XPO6: variants seen among roughly 807,000 people sequenced by gnomAD.
XPO6 encodes exportin-6.
XPO6 carries 3 observed loss-of-function variants against 130.0 expected under a neutral mutation model. The ratio of observed to expected loss-of-function variants is 0.02; its 90% confidence interval spans 0.01 to 0.06. XPO6 has a LOEUF of 0.06. Among genes scored for constraint, XPO6 ranks in the 10% least tolerant of loss-of-function variants. XPO6 has a pLI of 1.00. For missense variants in XPO6, 970 were observed against 1,393.0 expected (o/e 0.70, Z 4.83); for synonymous variants, 524 against 548.9 (o/e 0.95, Z 0.63).
At chr16:28,113,145 G>A (rs1260352965) in intron 15 of XPO6, 95 bp from the exon 16 acceptor site, 2 of 1,465,896 alleles carry the variant, frequency 1.4e-6, no homozygotes, top group Non-Finnish European at 1.8e-6. Flanking sequence ...GTCATTCTTG[G>A]TTTCCAAATT....
intron 11 of XPO6, among the ~76,000 whole-genome samples, chr16:28,133,480 G>A (rs888596350): frequency 2.0e-5 from 3 of 152,194 alleles, no homozygotes; most frequent in Non-Finnish European, 2.9e-5. Flanking sequence ...GACACACGCA[G>A]AGAAAGCTAG....
At chr16:28,158,676 C>T (rs2043221497) in intron 6 of XPO6, among the ~76,000 whole-genome samples, 2 of 152,146 alleles carry the variant, frequency 1.3e-5, no homozygotes, top group Non-Finnish European at 2.9e-5. Flanking sequence ...GACCACGGGG[C>T]TACTCTGTGG....
At chr16:28,209,836 T>G (rs141853915) in intron 1 of XPO6, among the ~76,000 whole-genome samples, 11 of 152,122 alleles carry the variant, frequency 7.2e-5, no homozygotes, top group African/African-American at 2.2e-4. Context: ...GTGTAATATA[T>G]ATGTTAAAAT....
rs147707562 is a variant in XPO6 at position 28,154,006 on chromosome 16, G to C, written c.1098-1221C>G. ...ATACATATTAATTTGTTTTGATAAA[G>C]AGAATGGCTGTCTCTGTGGATCATG... On this transcript the variant is annotated intron_variant, in intron 7 of 23. Transcript: ENST00000304658. The C allele has an allele frequency of 2.7e-4, 266 of 985,240 alleles. 1 individual carries two copies. The East Asian group carries it at 0.011, about 42-fold the overall frequency. 61.0% of individuals were successfully genotyped at this position (985,240 alleles called of 1,614,324 possible). A position where few individuals can be genotyped will look rare whatever the true frequency, so the allele number is the denominator to read the frequency against.
In XPO6 at chr16:28,180,132, C is replaced by T. The variant is rs570335609; in HGVS notation, c.94+809G>A. Among the ~76,000 whole-genome samples, 13 of 152,144 alleles carry T rather than the reference C, an allele frequency of 8.5e-5. No individual in the cohort carries two copies. The South Asian group carries it at 2.3e-3, about 27-fold the overall frequency. On this transcript the variant is annotated intron_variant, in intron 2 of 23. Transcript: ENST00000304658. ...CTGTAATCCCAGCACTTTGGGAGGCCGAGGTGGGCAGATCTCTTGAGGTCA... is the reference window on the plus strand; with the variant it reads ...CTGTAATCCCAGCACTTTGGGAGGCTGAGGTGGGCAGATCTCTTGAGGTCA...
intron 4 of XPO6, 84 bp from the exon 5 acceptor site, chr16:28,169,993 T>C: frequency 6.6e-7 from 1 of 1,514,112 alleles, no homozygotes; most frequent in Non-Finnish European, 9.0e-7. Flanking sequence ...CTATGAAGCA[T>C]CTGTGTGTGT....
chr16:28,168,711 C>T (rs1165705251), intron 5 of XPO6, among the ~76,000 whole-genome samples: 1 of 151,450 alleles, frequency 6.6e-6, no homozygotes, highest in Non-Finnish European at 1.5e-5. Flanking sequence ...AAGCAATTCT[C>T]CTTCTTTAGC....
At chr16:28,208,201 T>C (rs1470081002) in intron 1 of XPO6, among the ~76,000 whole-genome samples, 3 of 152,160 alleles carry the variant, frequency 2.0e-5, no homozygotes, top group Non-Finnish European at 4.4e-5. Flanking sequence ...ACATCAAAGA[T>C]GCTTAATAAG....
chr16:28,160,778 T>C (rs1018008409), intron 6 of XPO6, among the ~76,000 whole-genome samples: 6 of 152,230 alleles, frequency 3.9e-5, no homozygotes, highest in African/African-American at 1.2e-4. Context: ...TTAGGAGCAT[T>C]ACTTCTATTG....
At chr16:28,155,275 G>A (rs1420736597) in intron 7 of XPO6, among the ~76,000 whole-genome samples, 1 of 152,010 alleles carries the variant, frequency 6.6e-6, no homozygotes, top group Admixed American at 6.6e-5. Context: ...AATTCGATAC[G>A]ATTTATTGCT....
Position 28,149,722 on chromosome 16 carries a change from C to T in XPO6, c.1224+2937G>A, listed in dbSNP as rs147795057. Among the ~76,000 whole-genome samples, 549 of 152,314 alleles carry T rather than the reference C, an allele frequency of 3.6e-3. 4 individuals are homozygous for T. Among genetic ancestry groups the T allele is most frequent in the African/African-American group, 0.012 (497 of 41,568 alleles). On this transcript the variant is annotated intron_variant, in intron 8 of 23. Coordinates refer to ENST00000304658, the MANE Select transcript of XPO6 (RefSeq NM_015171.4). ...GCGTAAGTGCACTCTATGATGTACA[C>T]ACAACGATGACATCACCTAACACAT...
At chr16:28,104,230 T>C (rs1567589757) in intron 21 of XPO6, among the ~76,000 whole-genome samples, 1 of 152,164 alleles carries the variant, frequency 6.6e-6, no homozygotes, top group East Asian at 1.9e-4. Context: ...TCGGTGACTC[T>C]GGCATAGGCA....
chr16:28,199,325 G>A (rs2043917530), intron 1 of XPO6, among the ~76,000 whole-genome samples: 1 of 152,028 alleles, frequency 6.6e-6, no homozygotes, highest in Admixed American at 6.5e-5. Flanking sequence ...ATAATTTCCT[G>A]GACAATAACA....
intron 1 of XPO6, among the ~76,000 whole-genome samples, chr16:28,188,200 T>C (rs1357675552): frequency 6.6e-6 from 1 of 152,204 alleles, no homozygotes; most frequent in Non-Finnish European, 1.5e-5. Flanking sequence ...CCTATGCCTC[T>C]CAAAGTTCTG....
intron 8 of XPO6, among the ~76,000 whole-genome samples, chr16:28,150,504 T>C (rs2043066639): frequency 6.6e-6 from 1 of 152,164 alleles, no homozygotes; most frequent in Admixed American, 6.5e-5. Context: ...TAAGTAAATT[T>C]AAGGTTTCTC....
At chr16:28,198,465 G>A (rs2043903539) in intron 1 of XPO6, among the ~76,000 whole-genome samples, 1 of 152,014 alleles carries the variant, frequency 6.6e-6, no homozygotes, top group African/African-American at 2.4e-5. Context: ...TACTTTAATT[G>A]TCTAGCAGTA....
intron 13 of XPO6, among the ~76,000 whole-genome samples, chr16:28,123,504 G>C (rs2087303782): frequency 6.6e-6 from 1 of 152,216 alleles, no homozygotes; most frequent in Non-Finnish European, 1.5e-5. Flanking sequence ...GGATGCCAGG[G>C]AAGGCAGTGT....
chr16:28,111,331 A>G (rs1010653487), intron 17 of XPO6: 4 of 152,344 alleles, frequency 2.6e-5, no homozygotes, highest in African/African-American at 9.6e-5. Context: ...ATAAACAAGC[A>G]AACTTCAAGT....
At chr16:28,186,672 ATTTT>A (rs35690546) in intron 1 of XPO6, among the ~76,000 whole-genome samples, 1 of 140,856 alleles carries the variant, frequency 7.1e-6, no homozygotes, top group Non-Finnish European at 1.5e-5. Flanking sequence ...ATTCAGCCTA[ATTTT>A]TTTTTTTTTT....
Sources: allele counts gnomAD v4.1 joint callset (sites outside exome capture counted in the v4.1 genomes callset), GRCh38; gene constraint gnomAD v4.1.1; transcripts MANE v1.5; gene names NCBI Gene and HGNC (gene_info 2026-07-23, HGNC 2026-07-21).